The following PPIL2 variants were observed in gnomAD, a reference collection of about 807,000 sequenced individuals.
PPIL2 encodes RING-type E3 ubiquitin-protein ligase PPIL2.
PPIL2 carries 50 observed loss-of-function variants against 75.2 expected under a neutral mutation model. That is an observed-to-expected ratio of 0.66 (90% CI 0.53 to 0.84). The LOEUF is 0.84. Ranked by LOEUF, PPIL2 falls within the 40% of genes least tolerant of loss-of-function variation. The pLI, the probability that PPIL2 is intolerant of heterozygous loss-of-function variation, is 0.00. For synonymous variants in PPIL2, 245 were observed against 258.8 expected (o/e 0.95, Z 0.51); for missense variants, 590 against 685.0 (o/e 0.86, Z 1.55).
rs371505458 is a variant in PPIL2, at chr22:21,681,411, G to A, written c.387+21G>A. The A allele has an allele frequency of 3.8e-5, 60 of 1,588,104 alleles. No homozygotes were observed. In the South Asian group the frequency reaches 4.7e-4, roughly 13 times the overall value. On this transcript the variant is annotated intron_variant, in intron 7 of 19. Transcript: ENST00000398831. The stretch of plus-strand genomic sequence containing the variant: ...ATGAGGTGTGTCCTCGCTCCGGGGC[G>A]TGGAGACAGCGGTGGGGAGATCTCT...
intron 6 of PPIL2, among the ~76,000 whole-genome samples, chr22:21,678,903 T>C (rs1347830510): frequency 6.6e-6 from 1 of 151,120 alleles, no homozygotes; most frequent in Non-Finnish European, 1.5e-5. Context: ...ATTTTTTTTT[T>C]TTTTTTTTTT....
At chr22:21,684,667 G>C in intron 9 of PPIL2, 86 bp from the exon 10 acceptor site, 1 of 1,520,008 alleles carries the variant, frequency 6.6e-7, no homozygotes, top group Non-Finnish European at 8.9e-7. Context: ...GGACGGCCCT[G>C]GGCTATTCTA....
At chr22:21,670,070 G>T (rs994886393) in intron 2 of PPIL2, 108 bp downstream of exon 2, 1 of 1,201,928 alleles carries the variant, frequency 8.3e-7, no homozygotes. Flanking sequence ...CGGAAACTAT[G>T]GTAGACGAAT....
intron 4 of PPIL2, 26 bp downstream of exon 4, chr22:21,671,085 TA>T (rs762024632): frequency 6.3e-7 from 1 of 1,589,128 alleles, no homozygotes; most frequent in South Asian, 1.1e-5. Flanking sequence ...AATTTTGATC[TA>T]ACAAATGTGA....
chr22:21,684,537 A>G (rs861834), intron 9 of PPIL2, among the ~76,000 whole-genome samples: 37,690 of 151,144 alleles, frequency 0.25, 4,724 homozygotes, highest in Middle Eastern at 0.32. Flanking sequence ...TATAAAATAT[A>G]CAAATCAACC....
intron 1 of PPIL2, chr22:21,669,466 T>C (rs1310027291): frequency 7.5e-6 from 3 of 401,054 alleles, no homozygotes; most frequent in African/African-American, 2.1e-5. Flanking sequence ...CTGTTGTGTT[T>C]ATCACTGTGT....
rs1360956636 is a variant in PPIL2, at chr22:21,697,350, C to CCTGA, written c.*1868_*1871dup. On this transcript the variant is annotated 3_prime_UTR_variant, in exon 20 of 20. Coordinates refer to ENST00000398831, the MANE Select transcript of PPIL2 (RefSeq NM_014337.4). Reference sequence around the variant, plus strand: ...CACCCTGACAGACACCCTGGCTGGCCCTGACTGACTGTATTCTCTGGCCAC... The same window carrying CCTGA: ...CACCCTGACAGACACCCTGGCTGGCCCTGACTGACTGACTGTATTCTCTGGCCAC... 5 of 265,560 alleles carry CCTGA rather than the reference C, an allele frequency of 1.9e-5. No individual in the cohort carries two copies. The highest frequency in any genetic ancestry group is 1.3e-3 in the Middle Eastern group (1 of 762). 16.5% of individuals were successfully genotyped at this position (265,560 alleles called of 1,614,324 possible). A position where few individuals can be genotyped will look rare whatever the true frequency, so the allele number is the denominator to read the frequency against.
At position 21,697,472 on chromosome 22, in the gene PPIL2, C is replaced by T. The variant is rs976991699; in HGVS notation, c.*1982C>T. On this transcript the variant is annotated 3_prime_UTR_variant, in exon 20 of 20. Transcript: ENST00000398831. ...CAAGACAGCCCTCTGCTCTCAGCGG[C>T]GCCACAGAGAGCCTGGGCTCAGCCT... 8.1e-5 allele frequency: 13 copies of T among 160,078 alleles called. No homozygotes were observed. Among genetic ancestry groups the T allele is most frequent in the East Asian group, 1.8e-4 (1 of 5,512 alleles). The allele number at this position is 160,078 out of a possible 1,614,324, so 9.9% of individuals were successfully genotyped here.
intron 6 of PPIL2, among the ~76,000 whole-genome samples, chr22:21,679,447 C>G (rs1160675700): frequency 1.4e-5 from 2 of 147,502 alleles, no homozygotes; most frequent in Non-Finnish European, 1.5e-5. Flanking sequence ...AAAATGAAAC[C>G]TAAAAATTAG....
At chr22:21,679,142 C>T (rs1461752720) in intron 6 of PPIL2, among the ~76,000 whole-genome samples, 23 of 151,944 alleles carry the variant, frequency 1.5e-4, no homozygotes, top group African/African-American at 5.1e-4. Context: ...GTGATCCTCC[C>T]GCCTCTGCCT....
rs1477413587 is a variant in PPIL2, at chr22:21,688,096, C to T, written c.1011C>T (p.Gly337=). 5 of 1,614,222 alleles carry T rather than the reference C, an allele frequency of 3.1e-6. No individual in the cohort carries two copies. In the South Asian group the frequency reaches 5.5e-5, roughly 18 times the overall value. ...AGATCCAAGGGGGCGACCCCACAGG[C>T]ACAGGCACGGGTAGGTACTGGTGCT... ...NFVIQGGDPT[G]TGTGGESYWG... Residue 337 remains glycine (G), a synonymous_variant, in exon 14 of 20, where the codon GGC becomes GGT. Transcript: ENST00000398831.
chr22:21,687,950 CATT>C lies in PPIL2; in HGVS notation c.988-120_988-118del, dbSNP rs199739102. The C allele has an allele frequency of 1.7e-3, 2,235 of 1,321,270 alleles. 33 individuals are homozygous for C. In the African/African-American group the frequency reaches 0.029, roughly 17 times the overall value. The allele number at this position is 1,321,270 out of a possible 1,614,324, so 81.8% of individuals were successfully genotyped here. On this transcript the variant is annotated intron_variant, in intron 13 of 19. Transcript: ENST00000398831. ...AAGGGAGGTGGCTGGGAGGGCCCCTCATTATCACCAAGAGCCCAGCCCCTGTGT... is the reference window on the plus strand; with the variant it reads ...AAGGGAGGTGGCTGGGAGGGCCCCTCATCACCAAGAGCCCAGCCCCTGTGT...
At chr22:21,670,028 A>G (rs2066570676) in intron 2 of PPIL2, 66 bp downstream of exon 2, 2 of 1,475,052 alleles carry the variant, frequency 1.4e-6, no homozygotes, top group Admixed American at 1.7e-5. Flanking sequence ...TCTTCAGGAT[A>G]CAGTGAGCTG....
At chr22:21,669,372 C>G (rs1034073087) in intron 1 of PPIL2, 1 of 451,682 alleles carries the variant, frequency 2.2e-6, no homozygotes, top group Non-Finnish European at 4.5e-6. Context: ...TGTTCTCCAA[C>G]GCCTGGACTC....
intron 5 of PPIL2, among the ~76,000 whole-genome samples, chr22:21,673,054 C>T (rs951711823): frequency 1.3e-5 from 2 of 152,220 alleles, no homozygotes; most frequent in Non-Finnish European, 2.9e-5. Flanking sequence ...GGCTTCCCTG[C>T]TCTCCAGTAC....
chr22:21,686,953 G>A lies in PPIL2; in HGVS notation c.852G>A (p.Leu284=). The change falls in exon 12 of 20, where the codon CTG becomes CTA. Residue 284 remains leucine, a synonymous_variant. Coordinates refer to ENST00000398831, the MANE Select transcript of PPIL2 (RefSeq NM_014337.4). ...TGAAGAAGAAGGGCTACGTGCGGCT[G>A]CACACCAACAAGGGCGACCTCAACC... ...QFVKKKGYVR[L]HTNKGDLNLE... is the part of the protein sequence containing the mutation. The A allele has an allele frequency of 1.2e-6, 2 of 1,614,038 alleles. No individual in the cohort carries two copies. Among genetic ancestry groups the A allele is most frequent in the Non-Finnish European group, 8.5e-7 (1 of 1,180,010 alleles).
At position 21,692,881 on chromosome 22, in the gene PPIL2, G is replaced by A. The variant is rs1430940879; in HGVS notation, c.1140-935G>A. Among the ~76,000 whole-genome samples the A allele has an allele frequency of 2.0e-5, 3 of 149,464 alleles. No homozygotes were observed. The East Asian group carries it at 6.1e-4, about 30-fold the overall frequency. On this transcript the variant is annotated intron_variant, in intron 15 of 19. Transcript: ENST00000398831. ...GCGGAGCTTGCAGTGAACCGACATCGCGCCACTGCACTCCAGCCTGGGGGA... is the reference window on the plus strand; with the variant it reads ...GCGGAGCTTGCAGTGAACCGACATCACGCCACTGCACTCCAGCCTGGGGGA...
intron 6 of PPIL2, among the ~76,000 whole-genome samples, chr22:21,680,699 A>G (rs1319972446): frequency 2.6e-5 from 4 of 151,114 alleles, no homozygotes; most frequent in Non-Finnish European, 4.4e-5. Flanking sequence ...GCATGATGGC[A>G]GGCACCTGTA....
intron 5 of PPIL2, among the ~76,000 whole-genome samples, chr22:21,672,981 G>A (rs1314776193): frequency 2.0e-5 from 3 of 152,198 alleles, no homozygotes; most frequent in African/African-American, 7.2e-5. Flanking sequence ...TCTGGCCCTT[G>A]TGGTGTTCTG....
Sources: gnomAD v4.1 joint callset for allele counts (sites outside exome capture counted in the v4.1 genomes callset) on GRCh38, gnomAD v4.1.1 for gene constraint, MANE v1.5 for transcripts, NCBI Gene and HGNC (gene_info 2026-07-23, HGNC 2026-07-21) for gene names.